The following PDE10A variants were observed in gnomAD, a reference collection of about 807,000 sequenced individuals.
The protein encoded by PDE10A is phosphodiesterase 10A, also known as cAMP and cAMP-inhibited cGMP 3',5'-cyclic phosphodiesterase 10A.
PDE10A carries 39 observed loss-of-function variants against 97.7 expected under a neutral mutation model. The ratio of observed to expected loss-of-function variants is 0.40; its 90% CI spans 0.31 to 0.52. PDE10A has a LOEUF of 0.52. Ranked by LOEUF, PDE10A falls within the 20% of genes least tolerant of loss-of-function variation. The pLI is 0.56. For missense variants in PDE10A, 731 were observed against 1,047.8 expected (o/e 0.70, Z 4.17); for synonymous variants, 371 against 376.8 (o/e 0.98, Z 0.18).
chr6:165,345,065 C>T (rs370937790), intron 18 of PDE10A, among the ~76,000 whole-genome samples: 2 of 151,528 alleles, frequency 1.3e-5, no homozygotes, highest in African/African-American at 2.4e-5. Flanking sequence ...AAACACAAAT[C>T]GAATGTGAAA....
chr6:165,332,803 C>T lies in PDE10A; in HGVS notation c.*222G>A, dbSNP rs1475578830. ...GTCACTTGGCCAGCTGATTTCTGAA[C>T]GTGGGGGTGGTCCTGGTTGCTCAGT... On this transcript the variant is annotated 3_prime_UTR_variant, in exon 22 of 22. Coordinates refer to ENST00000539869, the MANE Select transcript of PDE10A (RefSeq NM_001385079.1). The T allele has an allele frequency of 2.7e-5, 13 of 485,420 alleles. No homozygotes were observed. Among genetic ancestry groups the T allele is most frequent in the African/African-American group, 4.0e-5 (2 of 50,002 alleles). The allele number at this position is 485,420 out of a possible 1,614,324, so 30.1% of individuals were successfully genotyped here.
intron 1 of PDE10A, among the ~76,000 whole-genome samples, chr6:165,793,723 A>AG (rs1778724523): frequency 6.6e-6 from 1 of 152,230 alleles, no homozygotes; most frequent in South Asian, 2.1e-4. Flanking sequence ...ATAAACACAC[A>AG]GGGGCTGGCA....
chr6:165,839,950 T>G (rs1399438629), intron 1 of PDE10A, among the ~76,000 whole-genome samples: 130 of 152,074 alleles, frequency 8.5e-4, no homozygotes, highest in Non-Finnish European at 1.0e-3. Flanking sequence ...TTCATTTCCA[T>G]CCCCATCTAC....
At chr6:165,766,553 A>T (rs1411672515) in intron 1 of PDE10A, among the ~76,000 whole-genome samples, 1 of 152,224 alleles carries the variant, frequency 6.6e-6, no homozygotes, top group Non-Finnish European at 1.5e-5. Flanking sequence ...CTTCCGTGGG[A>T]TTGTTTTGCT....
intron 10 of PDE10A, among the ~76,000 whole-genome samples, chr6:165,425,770 C>CGT (rs57229720): frequency 0.059 from 8,511 of 144,072 alleles, 304 homozygotes; most frequent in Non-Finnish European, 0.075. Flanking sequence ...AAGGCATGAT[C>CGT]GTGTGTGTGT....
chr6:165,335,901 G>A (rs1781614274), intron 21 of PDE10A, among the ~76,000 whole-genome samples: 1 of 152,066 alleles, frequency 6.6e-6, no homozygotes, highest in South Asian at 2.1e-4. Context: ...AGCTACCCAA[G>A]CACCCAAGGT....
At chr6:165,808,160 T>TG (rs1405046160) in intron 1 of PDE10A, among the ~76,000 whole-genome samples, 3 of 152,224 alleles carry the variant, frequency 2.0e-5, no homozygotes, top group Non-Finnish European at 4.4e-5. Flanking sequence ...TCATGCTTCC[T>TG]GGGAAAACCT....
intron 3 of PDE10A, among the ~76,000 whole-genome samples, chr6:165,451,445 C>A (rs1189583507): frequency 6.6e-6 from 1 of 152,214 alleles, no homozygotes. Flanking sequence ...TTCAAACACT[C>A]CTGGGGCTTC....
At chr6:165,486,524 G>A (rs761498421) in intron 2 of PDE10A, among the ~76,000 whole-genome samples, 5 of 152,182 alleles carry the variant, frequency 3.3e-5, no homozygotes, top group Admixed American at 6.5e-5. Flanking sequence ...AAAATGTCAC[G>A]TGAACAACGT....
intron 1 of PDE10A, among the ~76,000 whole-genome samples, chr6:165,616,119 C>T (rs1185361126): frequency 1.3e-5 from 2 of 152,036 alleles, no homozygotes; most frequent in South Asian, 2.1e-4. Flanking sequence ...AGGCATTTTC[C>T]GAGTCGGTTG....
At chr6:165,653,937 T>C (rs1413335152) in intron 1 of PDE10A, among the ~76,000 whole-genome samples, 1 of 152,134 alleles carries the variant, frequency 6.6e-6, no homozygotes, top group Non-Finnish European at 1.5e-5. Flanking sequence ...CCCTGACTTC[T>C]GGCTGCGCAT....
intron 1 of PDE10A, among the ~76,000 whole-genome samples, chr6:165,679,437 T>C (rs904287761): frequency 2.6e-5 from 4 of 152,176 alleles, no homozygotes; most frequent in African/African-American, 9.7e-5. Flanking sequence ...CTGGAAAGAC[T>C]GCCTGGAAAG....
intron 1 of PDE10A, among the ~76,000 whole-genome samples, chr6:165,898,083 C>T (rs576052370): frequency 6.6e-6 from 1 of 151,452 alleles, no homozygotes; most frequent in South Asian, 2.1e-4. Flanking sequence ...CTACCTTGCG[C>T]TGGGGAGGCT....
In PDE10A at chr6:165,343,474, CA is replaced by C; in HGVS notation, c.2811del (p.Ala938ProfsTer7). On this transcript the variant is annotated frameshift_variant, in exon 19 of 22. Transcript: ENST00000539869. LOFTEE classifies it high-confidence loss of function. The stretch of plus-strand genomic sequence containing the variant: ...TTTGTCACAGAACAAAGGTCACAGG[CA>C]GTCATCATCAAACCAATTACACGGT... ...HRDRVIGLMMTACDLCSVTKL... is the reference protein window; with the variant it reads ...HRDRVIGLMMXACDLCSVTKL... 1 of 1,613,874 alleles carries C rather than the reference CA, an allele frequency of 6.2e-7. No individual in the cohort carries two copies. Among genetic ancestry groups the C allele is most frequent in the Non-Finnish European group, 8.5e-7 (1 of 1,179,832 alleles).
At chr6:165,549,376 G>A (rs1050070587) in intron 1 of PDE10A, among the ~76,000 whole-genome samples, 3 of 152,170 alleles carry the variant, frequency 2.0e-5, no homozygotes, top group Non-Finnish European at 2.9e-5. Flanking sequence ...CCAGGCTGGA[G>A]TGCAGTGGCG....
chr6:165,927,296 G>A (rs1583295137), intron 1 of PDE10A, among the ~76,000 whole-genome samples: 1 of 152,146 alleles, frequency 6.6e-6, no homozygotes, highest in Non-Finnish European at 1.5e-5. Flanking sequence ...TCAGGATTTA[G>A]CCATAAGGAT....
At chr6:165,509,184 T>C (rs757577103) in intron 2 of PDE10A, among the ~76,000 whole-genome samples, 3 of 152,012 alleles carry the variant, frequency 2.0e-5, no homozygotes, top group Non-Finnish European at 4.4e-5. Flanking sequence ...ATATAAGTAT[T>C]TTTTACACGC....
rs1400607708 is a variant in PDE10A, at chr6:165,979,131, T to G, written c.-615+8398A>C. Among the ~76,000 whole-genome samples the G allele has an allele frequency of 2.0e-5, 3 of 152,280 alleles. No homozygotes were observed. The East Asian group carries it at 5.8e-4, about 29-fold the overall frequency. On this transcript the variant is annotated intron_variant, in intron 1 of 19. Transcript: ENST00000366882. ...GCTTTCTACGCAGAGGAGGGCTAGC[T>G]CCGAGTGTGTCTGAAAATGGCTTGA...
chr6:165,416,866 T>G (rs1185879151), intron 11 of PDE10A, among the ~76,000 whole-genome samples: 2 of 152,194 alleles, frequency 1.3e-5, no homozygotes, highest in Non-Finnish European at 2.9e-5. Context: ...TTTACCTAAT[T>G]TGTTAAATTT....
Sources: gnomAD v4.1 joint callset for allele counts (sites outside exome capture counted in the v4.1 genomes callset) on GRCh38, gnomAD v4.1.1 for gene constraint, MANE v1.5 for transcripts, NCBI Gene and HGNC (gene_info 2026-07-23, HGNC 2026-07-21) for gene names.